FLI1: variants seen among roughly 807,000 people sequenced by gnomAD.
FLI1 encodes the protein Fli-1 proto-oncogene, ETS transcription factor.
FLI1 carries 13 observed loss-of-function variants against 53.1 expected under a neutral mutation model. That is an observed-to-expected ratio of 0.24 (90% CI 0.16 to 0.39). The LOEUF (loss-of-function observed/expected upper bound fraction) is 0.39, where lower values mean the gene tolerates loss of function less well. Ranked by LOEUF, FLI1 falls within the 10% of genes least tolerant of loss-of-function variation. The pLI is 1.00. For synonymous variants in FLI1, 244 were observed against 236.7 expected (o/e 1.03, Z -0.28); for missense variants, 424 against 600.5 (o/e 0.71, Z 3.07).
chr11:128,688,985 A>G (rs2135675096), upstream of FLI1, among the ~76,000 whole-genome samples: 1 of 152,316 alleles, frequency 6.6e-6, no homozygotes. Flanking sequence ...GAGCCAAGAT[A>G]CATAGAGTAA....
chr11:128,755,885 T>C (rs938815677), intron 1 of FLI1, among the ~76,000 whole-genome samples: 4 of 152,198 alleles, frequency 2.6e-5, no homozygotes, highest in Admixed American at 1.3e-4. Flanking sequence ...TATATTCCAG[T>C]ATTTTTTCCC....
Position 128,810,917 on chromosome 11 carries a change from A to T in FLI1, c.1288A>T (p.Ile430Phe), listed in dbSNP as rs1327859525. The change falls in exon 9 of 9, where the codon ATC becomes TTC. Residue 430 changes from isoleucine (I) to phenylalanine (F), a missense_variant. Around this residue, in one of 5 missense-constraint regions of FLI1, gnomAD observed 87 missense variants for 100.0 expected, o/e 0.87. Transcript: ENST00000527786. This position sits in a 1 kb window ranked among gnomAD's most constrained non-coding sequence, Gnocchi z 6.6. Reference protein sequence around the residue: ...SQYWTSPTGGIYPNPNVPRHP... With the variant: ...SQYWTSPTGGFYPNPNVPRHP... Reference sequence around the variant, plus strand: ...ATACTGGACCTCCCCCACGGGGGGAATCTACCCCAACCCCAACGTCCCCCG... The same window carrying T: ...ATACTGGACCTCCCCCACGGGGGGATTCTACCCCAACCCCAACGTCCCCCG... 4 of 1,613,906 alleles carry T rather than the reference A, an allele frequency of 2.5e-6. No homozygotes were observed. Among genetic ancestry groups the T allele is most frequent in the Non-Finnish European group, 2.5e-6 (3 of 1,179,798 alleles).
At chr11:128,799,085 C>T (rs1490316025) in intron 5 of FLI1, among the ~76,000 whole-genome samples, 2 of 148,736 alleles carry the variant, frequency 1.3e-5, no homozygotes, top group African/African-American at 5.0e-5. Flanking sequence ...CACTTTGTCA[C>T]CCAGGCTGGA....
rs1271407777 is a variant in FLI1, at chr11:128,781,971, C to A, written c.603C>A (p.Ala201=). ...TTTGCCTCTCAGGTTCACTGCTGGC[C>A]TATAATACAACCTCCCACACCGACC... ...LSYLRESSLL[A]YNTTSHTDQS... is the part of the protein sequence containing the mutation. Residue 201 remains alanine (A), a synonymous_variant, in exon 5 of 9, where the codon GCC becomes GCA. Transcript: ENST00000527786. 6.2e-7 allele frequency: 1 copy of A among 1,613,646 alleles called. No homozygotes were observed. Among genetic ancestry groups the A allele is most frequent in the African/African-American group, 1.3e-5 (1 of 74,886 alleles).
Position 128,762,710 on chromosome 11 carries a change from C to A in FLI1, c.230+4384C>A, listed in dbSNP as rs369278659. ...TGGTGGCTCATGCCTGTAATCCCAG[C>A]ACTTTGGGAGGCCAAGGCGGCGGAT... On this transcript the variant is annotated intron_variant, in intron 2 of 8. Coordinates refer to ENST00000527786, the MANE Select transcript of FLI1 (RefSeq NM_002017.5). Among the ~76,000 whole-genome samples the A allele has an allele frequency of 2.5e-4, 38 of 152,308 alleles. No homozygotes were observed. The East Asian group carries it at 7.3e-3, about 29-fold the overall frequency.
At chr11:128,726,131 T>C (rs1185952088) in intron 1 of FLI1, among the ~76,000 whole-genome samples, 1 of 152,040 alleles carries the variant, frequency 6.6e-6, no homozygotes, top group Non-Finnish European at 1.5e-5. Flanking sequence ...CGGTCTCCCC[T>C]CTCCATCCAC....
chr11:128,796,542 T>A (rs911354092), intron 5 of FLI1, among the ~76,000 whole-genome samples: 32 of 152,212 alleles, frequency 2.1e-4, no homozygotes, highest in African/African-American at 7.7e-4. Flanking sequence ...TCTGATGCTG[T>A]GATATAATAA....
chr11:128,811,098 T>C lies in FLI1; in HGVS notation c.*110T>C, dbSNP rs1942926339. On this transcript the variant is annotated 3_prime_UTR_variant, in exon 9 of 9. Transcript: ENST00000527786. The stretch of plus-strand genomic sequence containing the variant: ...TTGAAGGGAAGACAAAACTGGATGT[T>C]CTTTCTTGTTGGATAGAACCTTTGT... 1 of 1,038,838 alleles carries C rather than the reference T, an allele frequency of 9.6e-7. No homozygotes were observed. The highest frequency in any genetic ancestry group is 2.4e-5 in the East Asian group (1 of 41,904). 64.4% of individuals were successfully genotyped at this position (1,038,838 alleles called of 1,614,324 possible). A position where few individuals can be genotyped will look rare whatever the true frequency, so the allele number is the denominator to read the frequency against.
chr11:128,723,423 C>T (rs1939338770), intron 1 of FLI1, among the ~76,000 whole-genome samples: 1 of 152,108 alleles, frequency 6.6e-6, no homozygotes, highest in African/African-American at 2.4e-5. Flanking sequence ...TTGCAAACAT[C>T]AGAAACCCAA....
At chr11:128,702,681 G>T (rs1020296272) in intron 1 of FLI1, among the ~76,000 whole-genome samples, 1 of 152,196 alleles carries the variant, frequency 6.6e-6, no homozygotes, top group African/African-American at 2.4e-5. Flanking sequence ...GGCCAATATG[G>T]TGAAACCCTG....
At chr11:128,747,780 C>T (rs1940463859) in intron 1 of FLI1, among the ~76,000 whole-genome samples, 1 of 152,160 alleles carries the variant, frequency 6.6e-6, no homozygotes, top group Non-Finnish European at 1.5e-5. Flanking sequence ...CTAGAAAAAG[C>T]CACTGGACAG....
chr11:128,690,995 C>G (rs1055535552), upstream of FLI1, among the ~76,000 whole-genome samples: 1 of 152,078 alleles, frequency 6.6e-6, no homozygotes, highest in Non-Finnish European at 1.5e-5. Context: ...GGGCAGCCTT[C>G]CCCAAGCTGG....
chr11:128,688,928 C>T (rs567985179), upstream of FLI1, among the ~76,000 whole-genome samples: 2 of 152,264 alleles, frequency 1.3e-5, no homozygotes, highest in African/African-American at 4.8e-5. Context: ...GTCCATTCTG[C>T]AGGCGAGAAA....
At chr11:128,774,280 G>A (rs1055464306) in intron 4 of FLI1, among the ~76,000 whole-genome samples, 1 of 152,186 alleles carries the variant, frequency 6.6e-6, no homozygotes, top group Non-Finnish European at 1.5e-5. Context: ...TAACTAGTGC[G>A]AGAAAGTAGA....
intron 4 of FLI1, among the ~76,000 whole-genome samples, chr11:128,776,461 G>A (rs1283584205): frequency 6.6e-6 from 1 of 152,234 alleles, no homozygotes; most frequent in Non-Finnish European, 1.5e-5. Flanking sequence ...GACCAGCCTG[G>A]CCAACGTGGT....
intron 1 of FLI1, among the ~76,000 whole-genome samples, chr11:128,751,728 C>T (rs376984381): frequency 2.1e-4 from 32 of 151,452 alleles, no homozygotes; most frequent in Middle Eastern, 3.5e-3. Context: ...CAGGGTTTCA[C>T]CATGTTAGCC....
Position 128,791,612 on chromosome 11 carries a change from T to G in FLI1, c.655+9589T>G, listed in dbSNP as rs1217167132. Among the ~76,000 whole-genome samples the G allele has an allele frequency of 2.0e-5, 3 of 152,358 alleles. No individual in the cohort carries two copies. The East Asian group carries it at 5.8e-4, about 29-fold the overall frequency. Reference sequence around the variant, plus strand: ...CTTAAACTGTTCCCCAGCAGTCTGGTGTAGAACTAACCCTTTGAGATGTTT... The same window carrying G: ...CTTAAACTGTTCCCCAGCAGTCTGGGGTAGAACTAACCCTTTGAGATGTTT... On this transcript the variant is annotated intron_variant, in intron 5 of 8. Transcript: ENST00000527786.
intron 1 of FLI1, among the ~76,000 whole-genome samples, chr11:128,705,186 T>C (rs1938496649): frequency 6.6e-6 from 1 of 152,190 alleles, no homozygotes; most frequent in Non-Finnish European, 1.5e-5. Flanking sequence ...TTTTATCTCT[T>C]TGTCTAAGTG....
intron 6 of FLI1, 193 bp downstream of exon 6, chr11:128,805,624 G>C (rs1942762077): frequency 3.7e-6 from 2 of 541,842 alleles, no homozygotes; most frequent in Non-Finnish European, 6.5e-6. Context: ...TTTTCGTTTA[G>C]ATTTTTGAGT....
Sources: gnomAD v4.1 joint callset for allele counts (sites outside exome capture counted in the v4.1 genomes callset) on GRCh38, gnomAD v4.1.1 for gene constraint, gnomAD v4.1.1 regional missense constraint, Gnocchi (gnomAD v3.1) non-coding constraint, MANE v1.5 for transcripts, NCBI Gene and HGNC (gene_info 2026-07-23, HGNC 2026-07-21) for gene names.